KLF12: variants seen among roughly 807,000 people sequenced by gnomAD.
KLF12 encodes the protein KLF transcription factor 12.
A neutral mutation model predicts 37.8 loss-of-function variants in KLF12; 9 were observed. That is an observed-to-expected ratio of 0.24 (90% CI 0.14 to 0.42). The LOEUF is 0.42. Ranked by LOEUF, KLF12 falls within the 10% of genes least tolerant of loss-of-function variation. The probability of loss-of-function intolerance (pLI) is 1.00; values close to 1 mark genes in which losing one functional copy is unlikely to be tolerated. For missense variants in KLF12, 411 were observed against 516.0 expected, an observed-to-expected ratio of 0.80 and a Z score of 1.97; for synonymous variants, 208 against 202.1, an observed-to-expected ratio of 1.03 and a Z score of -0.25.
At chr13:74,270,556 T>C in the KLF12 span, among the ~76,000 whole-genome samples, 3 of 152,208 alleles carry the variant, frequency 2.0e-5, no homozygotes, top group Non-Finnish European at 4.4e-5. Flanking sequence ...TGGAAAACTT[T>C]GTGTTGGGAC....
chr13:74,031,361 A>C (rs928168221), intron 1 of KLF12, among the ~76,000 whole-genome samples: 1 of 152,164 alleles, frequency 6.6e-6, no homozygotes, highest in Non-Finnish European at 1.5e-5. Flanking sequence ...ACAATATGCT[A>C]TATGTTGAGT....
chr13:73,733,386 A>G (rs969885790), intron 6 of KLF12, among the ~76,000 whole-genome samples: 10 of 152,282 alleles, frequency 6.6e-5, no homozygotes, highest in East Asian at 1.9e-4. Context: ...GGTGCCTCAT[A>G]TAAGTAGAAT....
At chr13:73,974,760 T>C (rs1265547475) in intron 2 of KLF12, among the ~76,000 whole-genome samples, 1 of 152,192 alleles carries the variant, frequency 6.6e-6, no homozygotes, top group African/African-American at 2.4e-5. Context: ...TTTGTGATAT[T>C]TTCTTAAAAT....
Position 73,943,970 on chromosome 13 carries a change from CTT to C in KLF12, c.123+9_123+10del. ...AAAAGGAGTGGGGCATTGCTGGAAA[CTT>C]GTGCTTACCCCTTGTTCAGATTCCA... On this transcript the variant is annotated intron_variant, in intron 3 of 7. Coordinates refer to ENST00000377669, the MANE Select transcript of KLF12 (RefSeq NM_007249.5). The C allele has an allele frequency of 6.3e-7, 1 of 1,585,172 alleles. No individual in the cohort carries two copies. Among genetic ancestry groups the C allele is most frequent in the Non-Finnish European group, 8.7e-7 (1 of 1,154,616 alleles).
the KLF12 span, among the ~76,000 whole-genome samples, chr13:74,172,803 A>C: frequency 6.6e-6 from 1 of 152,196 alleles, no homozygotes; most frequent in African/African-American, 2.4e-5. Flanking sequence ...ATAAAATTTT[A>C]ATTCTGCCCA....
intron 3 of KLF12, among the ~76,000 whole-genome samples, chr13:73,896,990 G>A (rs932114371): frequency 2.0e-5 from 3 of 152,074 alleles, no homozygotes; most frequent in African/African-American, 7.2e-5. Flanking sequence ...GGTTTCAAGA[G>A]GCAACAGGCC....
chr13:73,795,912 T>C lies in KLF12; in HGVS notation c.806+17240A>G, dbSNP rs140150110. On this transcript the variant is annotated intron_variant, in intron 5 of 7. Transcript: ENST00000377669. Reference sequence around the variant, plus strand: ...GTTCATATGGATAAGAAGATAAAGATGATGTACCTAGAATAAATAGTAAAC... The same window carrying C: ...GTTCATATGGATAAGAAGATAAAGACGATGTACCTAGAATAAATAGTAAAC... Among the ~76,000 whole-genome samples the C allele has an allele frequency of 2.2e-3, 328 of 152,282 alleles. 1 individual carries two copies. Among genetic ancestry groups the C allele is most frequent in the African/African-American group, 7.2e-3 (298 of 41,572 alleles).
At chr13:74,250,815 T>C in the KLF12 span, among the ~76,000 whole-genome samples, 1 of 152,198 alleles carries the variant, frequency 6.6e-6, no homozygotes, top group Non-Finnish European at 1.5e-5. Context: ...ATTACATGCA[T>C]TAGTCATCAC....
At chr13:74,065,285 T>C (rs956896692) in intron 1 of KLF12, among the ~76,000 whole-genome samples, 2 of 152,054 alleles carry the variant, frequency 1.3e-5, no homozygotes, top group African/African-American at 4.8e-5. Flanking sequence ...CACATACATA[T>C]TGGCATGTAT....
intron 3 of KLF12, among the ~76,000 whole-genome samples, chr13:73,933,064 A>G (rs1273216087): frequency 6.6e-6 from 1 of 152,188 alleles, no homozygotes. Context: ...TCTTACATGC[A>G]TATCATCTCT....
intron 2 of KLF12, 45 bp from the exon 3 acceptor site, chr13:73,944,115 A>G (rs1225511031): frequency 5.3e-5 from 64 of 1,198,272 alleles, no homozygotes; most frequent in Non-Finnish European, 7.8e-5. Flanking sequence ...TAAAGCATTC[A>G]AAAGAGGACC....
chr13:73,798,580 C>T (rs1882121245), intron 5 of KLF12, among the ~76,000 whole-genome samples: 1 of 152,074 alleles, frequency 6.6e-6, no homozygotes, highest in South Asian at 2.1e-4. Context: ...GAAAACCAAA[C>T]AATCCCATTA....
intron 4 of KLF12, among the ~76,000 whole-genome samples, chr13:73,843,499 G>A (rs529444727): frequency 7.2e-5 from 11 of 151,970 alleles, no homozygotes; most frequent in South Asian, 4.2e-4. Flanking sequence ...AGTAGAGATC[G>A]GGTTTCAAAA....
At chr13:74,246,795 A>G in the KLF12 span, among the ~76,000 whole-genome samples, 1 of 152,194 alleles carries the variant, frequency 6.6e-6, no homozygotes, top group Non-Finnish European at 1.5e-5. Flanking sequence ...TGTGGCTGTG[A>G]CTTGCCTCTG....
chr13:74,069,555 C>T (rs924810605), intron 1 of KLF12, among the ~76,000 whole-genome samples: 3 of 152,026 alleles, frequency 2.0e-5, no homozygotes, highest in Non-Finnish European at 4.4e-5. Context: ...AGAAACAAGA[C>T]CAGGAGGACA....
At chr13:73,954,745 T>C (rs1890775976) in intron 2 of KLF12, among the ~76,000 whole-genome samples, 1 of 152,222 alleles carries the variant, frequency 6.6e-6, no homozygotes, top group Non-Finnish European at 1.5e-5. Flanking sequence ...ATATATAATC[T>C]ATCAATTTTT....
At chr13:74,219,065 T>A in the KLF12 span, among the ~76,000 whole-genome samples, 1 of 151,644 alleles carries the variant, frequency 6.6e-6, no homozygotes, top group Non-Finnish European at 1.5e-5. Flanking sequence ...CAAGTGATTC[T>A]CCTGCCTCAG....
At chr13:74,112,340 A>G (rs1248061616) in intron 1 of KLF12, among the ~76,000 whole-genome samples, 2 of 145,346 alleles carry the variant, frequency 1.4e-5, no homozygotes, top group African/African-American at 5.1e-5. Flanking sequence ...TTATACAGGC[A>G]TGCCTTATTT....
intron 4 of KLF12, among the ~76,000 whole-genome samples, chr13:73,818,398 A>G (rs1022533092): frequency 2.6e-5 from 4 of 152,236 alleles, no homozygotes; most frequent in African/African-American, 9.6e-5. Flanking sequence ...ACCCAAAGGT[A>G]TATTTCATGT....
Sources: gnomAD v4.1 joint callset for allele counts (sites outside exome capture counted in the v4.1 genomes callset) on GRCh38, gnomAD v4.1.1 for gene constraint, MANE v1.5 for transcripts, NCBI Gene and HGNC (gene_info 2026-07-23, HGNC 2026-07-21) for gene names.